The following STK33 variants were observed in gnomAD, a reference collection of about 807,000 sequenced individuals.
STK33 encodes the protein serine/threonine-protein kinase 33.
A neutral mutation model predicts 58.0 loss-of-function variants in STK33; 52 were observed. The ratio of observed to expected loss-of-function variants is 0.90; its 90% CI spans 0.72 to 1.13. STK33 has a LOEUF of 1.13. Ranked by LOEUF, STK33 falls within the 50% of genes most tolerant of loss-of-function variation. The pLI, the probability that STK33 is intolerant of heterozygous loss-of-function variation, is 0.00. For synonymous variants in STK33, 215 were observed against 200.1 expected, an observed-to-expected ratio of 1.07 and a Z score of -0.63; for missense variants, 630 against 604.2, an observed-to-expected ratio of 1.04 and a Z score of -0.45.
At chr11:8,389,198 A>T (rs1848585104), downstream of STK33, among the ~76,000 whole-genome samples, 1 of 152,268 alleles carries the variant, frequency 6.6e-6, no homozygotes, top group Non-Finnish European at 1.5e-5. Context: ...CTTGGCCTGC[A>T]AGGGCAGGGG....
At chr11:8,517,860 T>C (rs1394063495) in intron 1 of STK33, among the ~76,000 whole-genome samples, 1 of 152,036 alleles carries the variant, frequency 6.6e-6, no homozygotes, top group African/African-American at 2.4e-5. Flanking sequence ...AAATCTATGA[T>C]TGATTGGTGT....
chr11:8,481,426 G>A (rs906333270), intron 1 of STK33, among the ~76,000 whole-genome samples: 1 of 152,204 alleles, frequency 6.6e-6, no homozygotes, highest in Non-Finnish European at 1.5e-5. Flanking sequence ...AGCAAAAGAC[G>A]TCCATTAAGT....
intron 15 of STK33, among the ~76,000 whole-genome samples, chr11:8,409,456 G>GA (rs1939834545): frequency 6.6e-6 from 1 of 152,176 alleles, no homozygotes; most frequent in Admixed American, 6.5e-5. Flanking sequence ...ACATTAGTAG[G>GA]ATGAGAAAAT....
intron 12 of STK33, among the ~76,000 whole-genome samples, chr11:8,439,749 A>T (rs1944484043): frequency 6.6e-6 from 1 of 151,366 alleles, no homozygotes; most frequent in Admixed American, 6.6e-5. Flanking sequence ...GCATTCTGGA[A>T]TCAGGTCATG....
chr11:8,350,509 G>T, the STK33 span, among the ~76,000 whole-genome samples: 1 of 152,168 alleles, frequency 6.6e-6, no homozygotes, highest in Non-Finnish European at 1.5e-5. Flanking sequence ...CTCAGGGGGT[G>T]ACAGCTCACA....
intron 1 of STK33, among the ~76,000 whole-genome samples, chr11:8,539,151 G>GA (rs1000377849): frequency 3.4e-4 from 50 of 148,934 alleles, no homozygotes; most frequent in African/African-American, 9.1e-4. Flanking sequence ...TTCTGAAGGA[G>GA]AAAAAAAAAC....
At chr11:8,570,942 G>A (rs1021031019) in intron 1 of STK33, among the ~76,000 whole-genome samples, 2 of 152,130 alleles carry the variant, frequency 1.3e-5, no homozygotes, top group African/African-American at 2.4e-5. Flanking sequence ...ATAGAGTAAC[G>A]GGGGACAGAT....
At chr11:8,521,273 CAG>C (rs1344858938) in intron 1 of STK33, among the ~76,000 whole-genome samples, 1 of 152,076 alleles carries the variant, frequency 6.6e-6, no homozygotes, top group Non-Finnish European at 1.5e-5. Context: ...GGTACCAAAA[CAG>C]AGATATAGAC....
chr11:8,567,448 G>C (rs1257331642), intron 1 of STK33, among the ~76,000 whole-genome samples: 1 of 152,152 alleles, frequency 6.6e-6, no homozygotes, highest in Non-Finnish European at 1.5e-5. Context: ...AGAAATTATG[G>C]CTGGAGGCAA....
chr11:8,441,104 C>A (rs1422981160), intron 11 of STK33, among the ~76,000 whole-genome samples: 1 of 152,122 alleles, frequency 6.6e-6, no homozygotes, highest in East Asian at 1.9e-4. Context: ...AAATATATGC[C>A]TTAAGTAGAT....
At chr11:8,543,316 A>G (rs1256731282) in intron 1 of STK33, among the ~76,000 whole-genome samples, 2 of 152,252 alleles carry the variant, frequency 1.3e-5, no homozygotes, top group Non-Finnish European at 2.9e-5. Flanking sequence ...ATGGGAATTA[A>G]AACATTATTA....
chr11:8,487,776 C>A (rs1399910074), intron 1 of STK33, among the ~76,000 whole-genome samples: 1 of 152,098 alleles, frequency 6.6e-6, no homozygotes, highest in Non-Finnish European at 1.5e-5. Context: ...GATTAAGGAT[C>A]TCCAAAATTT....
At chr11:8,497,512 C>A (rs1951155833) in intron 1 of STK33, among the ~76,000 whole-genome samples, 1 of 152,190 alleles carries the variant, frequency 6.6e-6, no homozygotes, top group African/African-American at 2.4e-5. Context: ...CTATGTCACC[C>A]AGGCTGGAGT....
chr11:8,545,380 T>C (rs977032409), intron 1 of STK33, among the ~76,000 whole-genome samples: 1 of 152,176 alleles, frequency 6.6e-6, no homozygotes, highest in Non-Finnish European at 1.5e-5. Flanking sequence ...GAATCTAAAA[T>C]AATCTCTGTG....
At chr11:8,408,477 G>T (rs1000242039) in intron 15 of STK33, among the ~76,000 whole-genome samples, 1 of 152,094 alleles carries the variant, frequency 6.6e-6, no homozygotes, top group African/African-American at 2.4e-5. Context: ...GTAGAAGTAG[G>T]GACAAAATAT....
intron 9 of STK33, 37 bp downstream of exon 9, chr11:8,457,304 T>G: frequency 6.7e-7 from 1 of 1,485,194 alleles, no homozygotes; most frequent in South Asian, 1.5e-5. Context: ...GACATTAGTA[T>G]TCATGGGGTC....
intron 1 of STK33, among the ~76,000 whole-genome samples, chr11:8,506,261 A>G (rs1220188205): frequency 6.6e-6 from 1 of 152,190 alleles, no homozygotes; most frequent in African/African-American, 2.4e-5. Context: ...TTGTCTTCTC[A>G]AGGCTAAACA....
intron 15 of STK33, among the ~76,000 whole-genome samples, chr11:8,410,902 G>A (rs535896908): frequency 6.6e-6 from 1 of 152,320 alleles, no homozygotes; most frequent in African/African-American, 2.4e-5. Context: ...TGCATCTAGA[G>A]ATTCCAGTCC....
At chr11:8,518,387 C>A (rs1305447497) in intron 1 of STK33, among the ~76,000 whole-genome samples, 1 of 152,144 alleles carries the variant, frequency 6.6e-6, no homozygotes. Context: ...CTGCAAAAAA[C>A]ATGCCAAATT....
Sources: allele counts gnomAD v4.1 joint callset (sites outside exome capture counted in the v4.1 genomes callset), GRCh38; gene constraint gnomAD v4.1.1; transcripts MANE v1.5; gene names NCBI Gene and HGNC (gene_info 2026-07-23, HGNC 2026-07-21).